Variants in EPB41L4A observed in about 807,000 individuals in gnomAD.
The protein encoded by EPB41L4A is band 4.1-like protein 4A.
A neutral mutation model predicts 108.6 loss-of-function variants in EPB41L4A; 100 were observed. That is an observed-to-expected ratio of 0.92 (90% CI 0.78 to 1.09). The LOEUF (loss-of-function observed/expected upper bound fraction) is 1.09. Ranked by LOEUF, EPB41L4A falls within the 50% of genes least tolerant of loss-of-function variation. The pLI, the probability that EPB41L4A is intolerant of heterozygous loss-of-function variation, is 0.00. For missense variants in EPB41L4A, 1,030 were observed against 842.7 expected (o/e 1.22, Z -2.75); for synonymous variants, 319 against 289.0 (o/e 1.10, Z -1.05).
At chr5:112,293,913 G>C (rs1204751860) in intron 2 of EPB41L4A, among the ~76,000 whole-genome samples, 1 of 152,136 alleles carries the variant, frequency 6.6e-6, no homozygotes, top group African/African-American at 2.4e-5. Context: ...GTTTAACCAA[G>C]AAGAAATAGA....
chr5:112,256,446 GAGAATCAAATTAAGA>G (rs1406600344), intron 9 of EPB41L4A, among the ~76,000 whole-genome samples: 12 of 152,048 alleles, frequency 7.9e-5, no homozygotes, highest in Non-Finnish European at 1.3e-4. Context: ...AAAAATTTAT[GAGAATCAAATTAAGA>G]ACTCAGCTGG....
At chr5:112,299,778 T>C (rs1417038182) in intron 2 of EPB41L4A, among the ~76,000 whole-genome samples, 2 of 152,236 alleles carry the variant, frequency 1.3e-5, no homozygotes, top group South Asian at 2.1e-4. Context: ...CCACTATTAC[T>C]GTGTTGCTCT....
At chr5:112,175,017 G>A (rs927831914) in intron 18 of EPB41L4A, among the ~76,000 whole-genome samples, 3 of 152,098 alleles carry the variant, frequency 2.0e-5, no homozygotes, top group African/African-American at 4.8e-5. Context: ...GCTGAAGATC[G>A]CTCAGGAGGC....
At position 112,334,033 on chromosome 5, in the gene EPB41L4A, C is replaced by T. The variant is rs1293606671; in HGVS notation, c.100-26543G>A. Among the ~76,000 whole-genome samples the T allele has an allele frequency of 5.9e-5, 9 of 152,224 alleles. No individual in the cohort carries two copies. In the East Asian group the frequency reaches 7.7e-4, roughly 13 times the overall value. ...AAACTAGTTCAGGCCATGATGGGAA[C>T]GGGTTGCGGGGTGAGGGCAGTCAGA... On this transcript the variant is annotated intron_variant, in intron 1 of 22. Coordinates refer to ENST00000261486, the MANE Select transcript of EPB41L4A (RefSeq NM_022140.5).
At chr5:112,362,083 C>G (rs1758803504) in intron 1 of EPB41L4A, among the ~76,000 whole-genome samples, 1 of 152,062 alleles carries the variant, frequency 6.6e-6, no homozygotes, top group Non-Finnish European at 1.5e-5. Context: ...AAGTATGTAA[C>G]ACAATCATAG....
intron 1 of EPB41L4A, among the ~76,000 whole-genome samples, chr5:112,411,088 T>C (rs1403704209): frequency 1.3e-5 from 2 of 152,160 alleles, no homozygotes; most frequent in Admixed American, 1.3e-4. Context: ...GACCAAAGCA[T>C]CTTTACTGAT....
At chr5:112,396,417 G>A (rs887534351) in intron 1 of EPB41L4A, among the ~76,000 whole-genome samples, 2 of 151,968 alleles carry the variant, frequency 1.3e-5, no homozygotes, top group Non-Finnish European at 2.9e-5. Flanking sequence ...TCAGACACTG[G>A]AGGACAACTA....
chr5:112,271,996 C>T (rs1230024875), intron 4 of EPB41L4A, among the ~76,000 whole-genome samples: 2 of 152,114 alleles, frequency 1.3e-5, no homozygotes, highest in South Asian at 2.1e-4. Flanking sequence ...TATTAACGTA[C>T]ATTTTTCATA....
At chr5:112,364,583 C>T (rs959191511) in intron 1 of EPB41L4A, among the ~76,000 whole-genome samples, 18 of 152,286 alleles carry the variant, frequency 1.2e-4, no homozygotes, top group Admixed American at 7.2e-4. Flanking sequence ...TTTCTTATTT[C>T]ATGAGTGTTT....
chr5:112,296,619 C>T (rs1026165423), intron 2 of EPB41L4A, among the ~76,000 whole-genome samples: 52 of 152,064 alleles, frequency 3.4e-4, no homozygotes, highest in Middle Eastern at 3.4e-3. Context: ...TAATTTTTTT[C>T]CATAGGTTTT....
chr5:112,158,756 A>G (rs1157585182), downstream of EPB41L4A, among the ~76,000 whole-genome samples: 2 of 152,166 alleles, frequency 1.3e-5, no homozygotes, highest in Admixed American at 1.3e-4. Context: ...ACTCACCATC[A>G]CGAAAATAGC....
chr5:112,241,681 T>C (rs1347712721), intron 9 of EPB41L4A, among the ~76,000 whole-genome samples: 1 of 152,204 alleles, frequency 6.6e-6, no homozygotes, highest in African/African-American at 2.4e-5. Context: ...TATATGCAAA[T>C]ACCATGCCAT....
At chr5:112,413,719 T>C (rs1762541600) in intron 1 of EPB41L4A, among the ~76,000 whole-genome samples, 1 of 152,196 alleles carries the variant, frequency 6.6e-6, no homozygotes, top group Non-Finnish European at 1.5e-5. Context: ...CCGATAAGTA[T>C]GTGTTTATGG....
At chr5:112,158,751 C>G (rs543355486), downstream of EPB41L4A, among the ~76,000 whole-genome samples, 53 of 152,096 alleles carry the variant, frequency 3.5e-4, no homozygotes, top group Non-Finnish European at 7.2e-4. Flanking sequence ...AACTCACTCA[C>G]CATCACGAAA....
At chr5:112,403,304 A>G (rs919314995) in intron 1 of EPB41L4A, among the ~76,000 whole-genome samples, 1 of 151,612 alleles carries the variant, frequency 6.6e-6, no homozygotes, top group Non-Finnish European at 1.5e-5. Context: ...TTTTTAGGAA[A>G]TAATGATTTA....
chr5:112,208,244 CAAAAAAAA>C (rs68152475), intron 13 of EPB41L4A, among the ~76,000 whole-genome samples: 1 of 85,110 alleles, frequency 1.2e-5, no homozygotes, highest in African/African-American at 4.6e-5. Context: ...GACTCCATCT[CAAAAAAAA>C]AAAAAAAAAA....
intron 2 of EPB41L4A, among the ~76,000 whole-genome samples, chr5:112,285,354 G>A (rs963056330): frequency 3.9e-5 from 6 of 152,152 alleles, no homozygotes; most frequent in African/African-American, 7.2e-5. Flanking sequence ...TGATATAACA[G>A]GTCACTCCTG....
intron 1 of EPB41L4A, among the ~76,000 whole-genome samples, chr5:112,365,568 C>T (rs573115141): frequency 1.3e-5 from 2 of 152,184 alleles, no homozygotes; most frequent in Non-Finnish European, 2.9e-5. Flanking sequence ...TGGCACCCAG[C>T]CTCCTCTATT....
chr5:112,306,299 C>T (rs182702312), intron 2 of EPB41L4A, among the ~76,000 whole-genome samples: 14 of 152,222 alleles, frequency 9.2e-5, no homozygotes, highest in Admixed American at 7.9e-4. Context: ...GACTTCTAAA[C>T]ATGTCTGTTC....
Sources: gnomAD v4.1 joint callset for allele counts (sites outside exome capture counted in the v4.1 genomes callset) on GRCh38, gnomAD v4.1.1 for gene constraint, MANE v1.5 for transcripts, NCBI Gene and HGNC (gene_info 2026-07-23, HGNC 2026-07-21) for gene names.